Variants in LRP1B observed in about 807,000 individuals in gnomAD.
The protein encoded by LRP1B is low-density lipoprotein receptor-related protein 1B.
LRP1B carries 217 observed loss-of-function variants against 556.6 expected under a neutral mutation model. The observed-to-expected ratio is 0.39, with a 90% CI of 0.35 to 0.44. The LOEUF is 0.44. Among genes scored for constraint, LRP1B ranks in the 20% least tolerant of loss-of-function variants. The pLI, the probability that LRP1B is intolerant of heterozygous loss-of-function variation, is 1.00. For synonymous variants in LRP1B, 2,047 were observed against 1,865.8 expected, an observed-to-expected ratio of 1.10 and a Z score of -2.50; for missense variants, 5,053 against 5,620.8, an observed-to-expected ratio of 0.90 and a Z score of 3.23.
At chr2:141,497,441 C>T (rs1346372165) in intron 2 of LRP1B, among the ~76,000 whole-genome samples, 1 of 152,050 alleles carries the variant, frequency 6.6e-6, no homozygotes, top group Non-Finnish European at 1.5e-5. Context: ...AAAAACACCT[C>T]TGGTAGCAAC....
intron 35 of LRP1B, among the ~76,000 whole-genome samples, chr2:140,752,622 G>C (rs879787169): frequency 6.6e-6 from 1 of 152,046 alleles, no homozygotes; most frequent in Non-Finnish European, 1.5e-5. Context: ...ACCACGCCCA[G>C]GCAAATCTCA....
intron 84 of LRP1B, among the ~76,000 whole-genome samples, chr2:140,295,621 C>T (rs1241711343): frequency 6.6e-6 from 1 of 152,164 alleles, no homozygotes; most frequent in Non-Finnish European, 1.5e-5. Context: ...AATCTTGGCT[C>T]TCGCAAATGC....
intron 86 of LRP1B, among the ~76,000 whole-genome samples, chr2:140,258,399 A>G (rs1286816345): frequency 1.3e-5 from 2 of 152,026 alleles, no homozygotes; most frequent in Non-Finnish European, 2.9e-5. Flanking sequence ...CCTAAATAGA[A>G]CTTGAGCTGG....
intron 7 of LRP1B, among the ~76,000 whole-genome samples, chr2:141,181,960 T>C (rs1681018129): frequency 6.6e-6 from 1 of 152,004 alleles, no homozygotes; most frequent in Non-Finnish European, 1.5e-5. Flanking sequence ...CAGTCAAAAT[T>C]AGTGCAGACC....
At chr2:141,333,990 T>C (rs1197876429) in intron 3 of LRP1B, among the ~76,000 whole-genome samples, 2 of 152,176 alleles carry the variant, frequency 1.3e-5, no homozygotes, top group Non-Finnish European at 2.9e-5. Context: ...TTATGTTTTC[T>C]TTTTTTCCAA....
chr2:140,692,600 C>T (rs1320635681), intron 41 of LRP1B, among the ~76,000 whole-genome samples: 1 of 152,042 alleles, frequency 6.6e-6, no homozygotes, highest in African/African-American at 2.4e-5. Flanking sequence ...ATTGACTATA[C>T]TTTAGTATGA....
At chr2:141,443,909 C>A (rs933253959) in intron 3 of LRP1B, among the ~76,000 whole-genome samples, 1 of 152,092 alleles carries the variant, frequency 6.6e-6, no homozygotes, top group African/African-American at 2.4e-5. Context: ...CTTGGATATA[C>A]AGGCTCTTTT....
chr2:141,459,232 A>AAC (rs1681760326), intron 3 of LRP1B, among the ~76,000 whole-genome samples: 1 of 152,128 alleles, frequency 6.6e-6, no homozygotes. Context: ...GTATAAATCA[A>AAC]ACACACACAC....
chr2:140,283,555 A>ATCAG (rs36091079), intron 84 of LRP1B, among the ~76,000 whole-genome samples: 80,101 of 151,044 alleles, frequency 0.53, 24,181 homozygotes, highest in Non-Finnish European at 0.68. Context: ...AATCATCTTG[A>ATCAG]TCAGTGACAT....
At chr2:141,511,740 A>G (rs1027115429) in intron 2 of LRP1B, among the ~76,000 whole-genome samples, 16 of 152,192 alleles carry the variant, frequency 1.1e-4, no homozygotes, top group African/African-American at 3.9e-4. Flanking sequence ...TGAGTCCTAT[A>G]TGAATATTCT....
At chr2:141,102,640 C>T in intron 7 of LRP1B, among the ~76,000 whole-genome samples, 1 of 151,926 alleles carries the variant, frequency 6.6e-6, no homozygotes, top group African/African-American at 2.4e-5. Flanking sequence ...AAAGGCACAC[C>T]AACTCAGGTC....
Position 140,572,610 on chromosome 2 carries a change from C to A in LRP1B, c.7194+26021G>T, listed in dbSNP as rs901026196. Among the ~76,000 whole-genome samples the A allele has an allele frequency of 2.6e-5, 4 of 151,690 alleles. No individual in the cohort carries two copies. The South Asian group carries it at 8.3e-4, about 31-fold the overall frequency. On this transcript the variant is annotated intron_variant, in intron 43 of 90. Transcript: ENST00000389484. ...AAAATAGAGTTACTATATGAACCAG[C>A]AATCCTGCAACTGAGCTTATATCCA... is the stretch of plus-strand genomic sequence containing the variant.
At chr2:140,326,029 T>C (rs1680458781) in intron 79 of LRP1B, 151 bp from the exon 80 acceptor site, 7 of 594,162 alleles carry the variant, frequency 1.2e-5, no homozygotes, top group Non-Finnish European at 2.1e-5. Flanking sequence ...CTGTAGAAAT[T>C]AGAAAAAGTA....
intron 3 of LRP1B, among the ~76,000 whole-genome samples, chr2:141,464,602 A>ATTTTTT (rs1327185759): frequency 1.4e-5 from 1 of 73,460 alleles, no homozygotes; most frequent in Admixed American, 1.3e-4. Flanking sequence ...ATATATATAT[A>ATTTTTT]TATATTTTTT....
intron 11 of LRP1B, among the ~76,000 whole-genome samples, chr2:141,023,693 C>T (rs898140828): frequency 1.3e-5 from 2 of 151,940 alleles, no homozygotes; most frequent in Admixed American, 6.6e-5. Context: ...GAGCAGTGGC[C>T]TTATTTTTGT....
intron 7 of LRP1B, among the ~76,000 whole-genome samples, chr2:141,137,236 A>C (rs1440881631): frequency 6.6e-6 from 1 of 151,990 alleles, no homozygotes; most frequent in African/African-American, 2.4e-5. Flanking sequence ...TAGACTTAGC[A>C]TTAGGAAATT....
At chr2:140,385,799 G>T in intron 67 of LRP1B, 94 bp downstream of exon 67, 1 of 818,026 alleles carries the variant, frequency 1.2e-6, no homozygotes, top group East Asian at 2.5e-5. Flanking sequence ...CATAAGACAG[G>T]TTCAAATTTA....
At chr2:141,810,187 ATCATCT>A in intron 2 of LRP1B, 86 bp downstream of exon 2, 94 of 1,038,392 alleles carry the variant, frequency 9.1e-5, no homozygotes, top group South Asian at 3.8e-4. Flanking sequence ...GAAAGAAAGA[ATCATCT>A]AGAACAGCAG....
intron 2 of LRP1B, among the ~76,000 whole-genome samples, chr2:141,704,806 T>C (rs1271832717): frequency 6.6e-6 from 1 of 151,986 alleles, no homozygotes; most frequent in East Asian, 1.9e-4. Context: ...TCTGGTATAA[T>C]TGACTATATC....
Sources: gnomAD v4.1 joint callset for allele counts (sites outside exome capture counted in the v4.1 genomes callset) on GRCh38, gnomAD v4.1.1 for gene constraint, MANE v1.5 for transcripts, NCBI Gene and HGNC (gene_info 2026-07-23, HGNC 2026-07-21) for gene names.